ZNF804A: variants seen among roughly 807,000 people sequenced by gnomAD.
ZNF804A encodes zinc finger protein 804A.
ZNF804A carries 2 observed loss-of-function variants against 16.5 expected under a neutral mutation model. The observed-to-expected ratio is 0.12, with a 90% CI of 0.05 to 0.38. The LOEUF is 0.38. Among genes scored for constraint, ZNF804A ranks in the 10% least tolerant of loss-of-function variants. The pLI, the probability that ZNF804A is intolerant of heterozygous loss-of-function variation, is 0.99. For missense variants in ZNF804A, 1,473 were observed against 1,390.7 expected (o/e 1.06, Z -0.94); for synonymous variants, 534 against 489.6 (o/e 1.09, Z -1.20).
intron 1 of ZNF804A, among the ~76,000 whole-genome samples, chr2:184,751,134 C>T (rs1413116277): frequency 2.0e-5 from 3 of 151,480 alleles, no homozygotes; most frequent in African/African-American, 7.3e-5. Context: ...CTACAATCAA[C>T]ACGTGAGTGC....
chr2:184,733,571 G>A (rs1307688247), intron 1 of ZNF804A, among the ~76,000 whole-genome samples: 1 of 152,086 alleles, frequency 6.6e-6, no homozygotes, highest in Non-Finnish European at 1.5e-5. Flanking sequence ...CTTTGATCTT[G>A]TGAATAAGAT....
At chr2:184,746,130 A>G (rs1693786364) in intron 1 of ZNF804A, among the ~76,000 whole-genome samples, 1 of 151,566 alleles carries the variant, frequency 6.6e-6, no homozygotes, top group Non-Finnish European at 1.5e-5. Context: ...TATTTGATAA[A>G]ATCTGGATAT....
intron 1 of ZNF804A, among the ~76,000 whole-genome samples, chr2:184,724,136 C>A (rs1693364834): frequency 6.6e-6 from 1 of 151,594 alleles, no homozygotes; most frequent in Non-Finnish European, 1.5e-5. Flanking sequence ...TTTTTCTAAG[C>A]TATGCACCAG....
intron 1 of ZNF804A, among the ~76,000 whole-genome samples, chr2:184,757,521 C>T (rs1200451894): frequency 6.6e-6 from 1 of 151,742 alleles, no homozygotes; most frequent in African/African-American, 2.4e-5. Context: ...ATTTAAAGAC[C>T]AAGTCATCTT....
At chr2:184,919,399 T>C (rs1394663972) in intron 2 of ZNF804A, among the ~76,000 whole-genome samples, 1 of 152,156 alleles carries the variant, frequency 6.6e-6, no homozygotes, top group Non-Finnish European at 1.5e-5. Context: ...TGAGTGGAAG[T>C]CCACATTGCT....
At chr2:184,669,358 G>C (rs1004775781) in intron 1 of ZNF804A, among the ~76,000 whole-genome samples, 1 of 151,912 alleles carries the variant, frequency 6.6e-6, no homozygotes. Flanking sequence ...TCTGATTGTA[G>C]GTTCTGAAAG....
chr2:184,769,044 G>A (rs546045713), intron 1 of ZNF804A, among the ~76,000 whole-genome samples: 104 of 152,036 alleles, frequency 6.8e-4, no homozygotes, highest in Non-Finnish European at 1.3e-3. Flanking sequence ...TTCTGATTTT[G>A]CTTTTATTCA....
chr2:184,877,188 A>C (rs931789627), intron 2 of ZNF804A, among the ~76,000 whole-genome samples: 8 of 152,088 alleles, frequency 5.3e-5, no homozygotes, highest in Non-Finnish European at 1.2e-4. Flanking sequence ...TTTTTAATGC[A>C]CTTTTTAAAT....
chr2:184,883,214 G>T (rs867560260), intron 2 of ZNF804A, among the ~76,000 whole-genome samples: 1 of 152,082 alleles, frequency 6.6e-6, no homozygotes, highest in East Asian at 1.9e-4. Context: ...AACCATCCAA[G>T]ATTGAACCAG....
In ZNF804A at chr2:184,763,239, G is replaced by A. The variant is rs188251671; in HGVS notation, c.112-103130G>A. Among the ~76,000 whole-genome samples the A allele has an allele frequency of 1.1e-3, 172 of 152,200 alleles. 3 individuals are homozygous for A. Among genetic ancestry groups the A allele is most frequent in the Admixed American group, 0.011 (171 of 15,276 alleles). On this transcript the variant is annotated intron_variant, in intron 1 of 3. Coordinates refer to ENST00000302277, the MANE Select transcript of ZNF804A (RefSeq NM_194250.2). ...TTGGAAATAGGGTCTTTACAGAGGA[G>A]TTAAGTAAAGGTGAGCTCTTTATGA... is the stretch of plus-strand genomic sequence containing the variant.
At chr2:184,779,909 A>T (rs1235765208) in intron 1 of ZNF804A, among the ~76,000 whole-genome samples, 1 of 151,722 alleles carries the variant, frequency 6.6e-6, no homozygotes, top group Non-Finnish European at 1.5e-5. Context: ...CAAATAGGAA[A>T]CCAGTATATT....
intron 1 of ZNF804A, among the ~76,000 whole-genome samples, chr2:184,736,991 G>A (rs1381621342): frequency 1.3e-5 from 2 of 150,606 alleles, no homozygotes; most frequent in African/African-American, 4.9e-5. Flanking sequence ...TTGAGAATAA[G>A]TTTTGTTGTA....
At chr2:184,700,125 A>G (rs1346228943) in intron 1 of ZNF804A, among the ~76,000 whole-genome samples, 2 of 152,150 alleles carry the variant, frequency 1.3e-5, no homozygotes, top group African/African-American at 4.8e-5. Flanking sequence ...TATAAGAATA[A>G]CATTAATATT....
intron 1 of ZNF804A, among the ~76,000 whole-genome samples, chr2:184,773,772 A>G (rs1694250961): frequency 6.6e-6 from 1 of 151,934 alleles, no homozygotes; most frequent in African/African-American, 2.4e-5. Flanking sequence ...GTAATGAGAA[A>G]CCACCTGTTC....
At chr2:184,852,872 A>C (rs536502996) in intron 1 of ZNF804A, among the ~76,000 whole-genome samples, 2 of 151,952 alleles carry the variant, frequency 1.3e-5, no homozygotes, top group South Asian at 4.1e-4. Flanking sequence ...GAAATTAATT[A>C]GTGTGATGCC....
chr2:184,649,657 A>G (rs1691947810), intron 1 of ZNF804A, among the ~76,000 whole-genome samples: 1 of 152,022 alleles, frequency 6.6e-6, no homozygotes, highest in Non-Finnish European at 1.5e-5. Flanking sequence ...ATACACACAA[A>G]CTAGAAGACA....
chr2:184,641,098 G>A (rs1240554801), intron 1 of ZNF804A, among the ~76,000 whole-genome samples: 1 of 152,108 alleles, frequency 6.6e-6, no homozygotes, highest in Non-Finnish European at 1.5e-5. Flanking sequence ...GGGATTACAG[G>A]AGCCGGCCAC....
chr2:184,934,322 A>T (rs1239835838), intron 3 of ZNF804A, among the ~76,000 whole-genome samples: 1 of 152,138 alleles, frequency 6.6e-6, no homozygotes, highest in Non-Finnish European at 1.5e-5. Flanking sequence ...CAGACTTTAC[A>T]ATTCAAGCCA....
rs370931594 is a variant in ZNF804A at position 184,598,703 on chromosome 2, C to T, written c.-257C>T. The T allele has an allele frequency of 2.3e-4, 64 of 279,062 alleles. No individual in the cohort carries two copies. The East Asian group carries it at 2.8e-3, about 12-fold the overall frequency. The allele number at this position is 279,062 out of a possible 1,614,324, so 17.3% of individuals were successfully genotyped here. A position where few individuals can be genotyped will look rare whatever the true frequency, so the allele number is the denominator to read the frequency against. On this transcript the variant is annotated 5_prime_UTR_variant, in exon 1 of 4. Transcript: ENST00000302277. The stretch of plus-strand genomic sequence containing the variant: ...TAGGCTGGAATCCTCCCGCGGGGCT[C>T]GTCGTCCCGACGCGAATCTGAGGAG...
Sources: gnomAD v4.1 joint callset for allele counts (sites outside exome capture counted in the v4.1 genomes callset) on GRCh38, gnomAD v4.1.1 for gene constraint, MANE v1.5 for transcripts, NCBI Gene and HGNC (gene_info 2026-07-23, HGNC 2026-07-21) for gene names.